SRGAP2C: variants seen among roughly 807,000 people sequenced by gnomAD.
The protein encoded by SRGAP2C is SLIT-ROBO Rho GTPase activating protein 2C.
In SRGAP2C, 15 loss-of-function variants were observed where a neutral mutation model predicts 25.1. The ratio of observed to expected loss-of-function variants is 0.60; its 90% CI spans 0.40 to 0.92. The LOEUF (loss-of-function observed/expected upper bound fraction) is 0.92. SRGAP2C is among the 40% of genes least tolerant of loss of function. The probability of loss-of-function intolerance (pLI) is 0.00; values close to 1 mark genes in which losing one functional copy is unlikely to be tolerated. For missense variants in SRGAP2C, 144 were observed against 264.4 expected (o/e 0.54, Z 3.16); for synonymous variants, 44 against 96.6 (o/e 0.46, Z 3.19).
intron 3 of SRGAP2C, among the ~76,000 whole-genome samples, chr1:121,313,918 C>T (rs1419056758): frequency 1.4e-5 from 2 of 141,642 alleles, no homozygotes; most frequent in Non-Finnish European, 3.1e-5. Flanking sequence ...AGTTGCTCTT[C>T]TTCAGGAGTA....
At chr1:121,383,599 C>T (rs1252832116) in intron 8 of SRGAP2C, among the ~76,000 whole-genome samples, 1 of 112,978 alleles carries the variant, frequency 8.9e-6, no homozygotes, top group Non-Finnish European at 1.9e-5. Flanking sequence ...AACATGGGGG[C>T]CTTGTTTTGG....
intron 4 of SRGAP2C, among the ~76,000 whole-genome samples, chr1:121,339,252 CTTTTTTTTTTT>C (rs1185472819): frequency 4.5e-5 from 4 of 89,636 alleles, no homozygotes; most frequent in African/African-American, 2.2e-4. Context: ...GCTATGTTGT[CTTTTTTTTTTT>C]TTTTTTTTTG....
intron 2 of SRGAP2C, among the ~76,000 whole-genome samples, chr1:121,257,272 T>C (rs587711009): frequency 1.4e-5 from 2 of 146,952 alleles, no homozygotes; most frequent in South Asian, 4.4e-4. Context: ...CGCATCGCCA[T>C]GCCCAGCTAA....
intron 3 of SRGAP2C, among the ~76,000 whole-genome samples, chr1:121,304,885 C>G (rs1373181534): frequency 3.3e-5 from 5 of 151,808 alleles, no homozygotes; most frequent in African/African-American, 1.2e-4. Flanking sequence ...ATGTTTTCCT[C>G]TCCGGAATGG....
At chr1:121,305,365 G>A (rs1657806718) in intron 3 of SRGAP2C, among the ~76,000 whole-genome samples, 1 of 83,136 alleles carries the variant, frequency 1.2e-5, no homozygotes, top group African/African-American at 4.9e-5. Flanking sequence ...ACCCAAACTT[G>A]CAAACTTTTA....
At chr1:121,285,989 G>A (rs1570761796) in intron 3 of SRGAP2C, among the ~76,000 whole-genome samples, 1 of 152,138 alleles carries the variant, frequency 6.6e-6, no homozygotes, top group Non-Finnish European at 1.5e-5. Flanking sequence ...TAGCTGATGA[G>A]CTTAAAAAAA....
chr1:121,222,208 G>A (rs190214417), intron 2 of SRGAP2C, among the ~76,000 whole-genome samples: 2 of 152,288 alleles, frequency 1.3e-5, no homozygotes, highest in African/African-American at 4.8e-5. Flanking sequence ...GGTCACACAG[G>A]TCCTAGGAAC....
At chr1:121,282,723 T>C (rs1227273482) in intron 2 of SRGAP2C, among the ~76,000 whole-genome samples, 1 of 23,206 alleles carries the variant, frequency 4.3e-5, no homozygotes, top group Non-Finnish European at 1.0e-4. Flanking sequence ...CCTGGCTAAT[T>C]TTTTTTTTGT....
chr1:121,236,371 T>C (rs1274124623), intron 2 of SRGAP2C, among the ~76,000 whole-genome samples: 1 of 150,890 alleles, frequency 6.6e-6, no homozygotes, highest in African/African-American at 2.4e-5. Flanking sequence ...TTTGAAACTT[T>C]TGCTTCAGTC....
chr1:121,292,735 C>T (rs1657516243), intron 3 of SRGAP2C, among the ~76,000 whole-genome samples: 1 of 77,574 alleles, frequency 1.3e-5, no homozygotes, highest in Non-Finnish European at 2.5e-5. Context: ...TTTAAAGGTG[C>T]ACTCTGGAAG....
chr1:121,265,061 G>A (rs1339936677), intron 2 of SRGAP2C, among the ~76,000 whole-genome samples: 2 of 62,486 alleles, frequency 3.2e-5, no homozygotes, highest in Non-Finnish European at 5.9e-5. Flanking sequence ...GCCGGGCATG[G>A]TGGCACACCA....
chr1:121,285,361 G>C (rs1657336132), intron 3 of SRGAP2C, among the ~76,000 whole-genome samples: 2 of 141,682 alleles, frequency 1.4e-5, no homozygotes, highest in African/African-American at 2.6e-5. Flanking sequence ...AAAGGTTAAG[G>C]GGCTTAACTC....
chr1:121,224,786 A>G (rs1157366237), intron 2 of SRGAP2C, among the ~76,000 whole-genome samples: 2 of 152,168 alleles, frequency 1.3e-5, no homozygotes, highest in African/African-American at 4.8e-5. Context: ...AAATATTTGC[A>G]TTTACCTTAG....
intron 2 of SRGAP2C, among the ~76,000 whole-genome samples, chr1:121,279,014 G>A (rs1408208302): frequency 6.6e-6 from 1 of 152,166 alleles, no homozygotes; most frequent in Non-Finnish European, 1.5e-5. Flanking sequence ...TCATGTGTTT[G>A]TGAAGGGGCT....
rs1657417981 is a variant in SRGAP2C, at chr1:121,288,246, T to TA, written c.260+3253dup. ...ACAGAGTTTTGACACACAGGTTCTC[T>TA]AAGGCCCCACCAGAGCAGCTAGATA... On this transcript the variant is annotated intron_variant, in intron 3 of 9. Transcript: ENST00000367123. Among the ~76,000 whole-genome samples, 3 of 128,906 alleles carry TA rather than the reference T, an allele frequency of 2.3e-5. No individual in the cohort carries two copies. The South Asian group carries it at 8.1e-4, about 35-fold the overall frequency. 84.6% of individuals were successfully genotyped at this position (128,906 alleles called of 152,430 possible). A position where few individuals can be genotyped will look rare whatever the true frequency, so the allele number is the denominator to read the frequency against.
Position 121,320,764 on chromosome 1 carries a change from C to G in SRGAP2C, c.261-3714C>G, listed in dbSNP as rs1553341035. Among the ~76,000 whole-genome samples the G allele has an allele frequency of 2.0e-3, 302 of 152,202 alleles. 2 individuals are homozygous for G. The highest frequency in any genetic ancestry group is 6.7e-3 in the African/African-American group (278 of 41,526). On this transcript the variant is annotated intron_variant, in intron 3 of 9. Transcript: ENST00000367123. ...ATACTTTTGTTTTAAAGTTGAGTCA[C>G]TATCATCACCTAGCAGCTATTCCCC... is the stretch of plus-strand genomic sequence containing the variant.
intron 4 of SRGAP2C, among the ~76,000 whole-genome samples, chr1:121,329,037 C>T (rs1426610960): frequency 7.3e-6 from 1 of 136,384 alleles, no homozygotes; most frequent in African/African-American, 2.7e-5. Context: ...CATGGTGAAA[C>T]CCCGTCTCTA....
At chr1:121,271,127 G>GT (rs1475787610) in intron 2 of SRGAP2C, among the ~76,000 whole-genome samples, 2 of 149,758 alleles carry the variant, frequency 1.3e-5, no homozygotes, top group East Asian at 2.0e-4. Context: ...GTTTTGTTTT[G>GT]TTTTTTTAAA....
intron 2 of SRGAP2C, among the ~76,000 whole-genome samples, chr1:121,228,784 A>T (rs1383446746): frequency 6.6e-6 from 1 of 150,882 alleles, no homozygotes; most frequent in East Asian, 1.9e-4. Flanking sequence ...GAATGGATTC[A>T]CATCTAGGGC....
Sources: gnomAD v4.1 joint callset for allele counts (sites outside exome capture counted in the v4.1 genomes callset) on GRCh38, gnomAD v4.1.1 for gene constraint, MANE v1.5 for transcripts, NCBI Gene and HGNC (gene_info 2026-07-23, HGNC 2026-07-21) for gene names.